DAP3: variants seen among roughly 807,000 people sequenced by gnomAD.
DAP3 encodes the protein small ribosomal subunit protein mS29.
A neutral mutation model predicts 51.9 loss-of-function variants in DAP3; 28 were observed. The ratio of observed to expected loss-of-function variants is 0.54; its 90% CI spans 0.40 to 0.74. The LOEUF is 0.74. Ranked by LOEUF, DAP3 falls within the 30% of genes least tolerant of loss-of-function variation. DAP3 has a pLI of 0.00. For missense variants in DAP3, 458 were observed against 483.5 expected, an observed-to-expected ratio of 0.95 and a Z score of 0.49; for synonymous variants, 170 against 170.3, an observed-to-expected ratio of 1.00 and a Z score of 0.01.
intron 1 of DAP3, among the ~76,000 whole-genome samples, chr1:155,695,353 C>T (rs1026422578): frequency 1.3e-5 from 2 of 152,178 alleles, no homozygotes; most frequent in South Asian, 2.1e-4. Flanking sequence ...TTCCTTGATA[C>T]GGTAGTTGCA....
chr1:155,714,673 T>C (rs889072026), intron 2 of DAP3, among the ~76,000 whole-genome samples: 5 of 152,166 alleles, frequency 3.3e-5, no homozygotes, highest in South Asian at 2.1e-4. Context: ...GGAGAACCAC[T>C]TGAACCTGGG....
chr1:155,692,930 A>G (rs1654034367), intron 1 of DAP3, among the ~76,000 whole-genome samples: 1 of 142,072 alleles, frequency 7.0e-6, no homozygotes. Flanking sequence ...TTATTTACAT[A>G]TTCTGCAGTT....
intron 1 of DAP3, among the ~76,000 whole-genome samples, chr1:155,695,349 G>C (rs1654373360): frequency 6.6e-6 from 1 of 152,200 alleles, no homozygotes; most frequent in Non-Finnish European, 1.5e-5. Context: ...CCAGTTCCTT[G>C]ATACGGTAGT....
At chr1:155,688,387 T>TA (rs758674930), upstream of DAP3, 72 of 1,543,148 alleles carry the variant, frequency 4.7e-5, no homozygotes, top group Non-Finnish European at 3.5e-6. Context: ...TAAGGGCGCC[T>TA]AGCGACACCC....
rs1659871461 is a variant in DAP3, at chr1:155,736,988, T to C, written c.1036T>C (p.Ser346Pro). 4.3e-6 allele frequency: 7 copies of C among 1,614,200 alleles called. No individual in the cohort carries two copies. The highest frequency in any genetic ancestry group is 5.9e-6 in the Non-Finnish European group (7 of 1,180,030). Residue 346 changes from serine (S) to proline (P), a missense_variant, in exon 12 of 13, where the codon TCC becomes CCC. Coordinates refer to ENST00000368336, the MANE Select transcript of DAP3 (RefSeq NM_004632.4). ...ALDPFIPILVSNYNPKEFESC... is the reference protein window; with the variant it reads ...ALDPFIPILVPNYNPKEFESC... ...GGATCCCTTTATTCCCATCCTGGTT[T>C]CCAACTATAACCCAAAGGAATTTGA...
chr1:155,730,791 G>C (rs191164476), intron 9 of DAP3, among the ~76,000 whole-genome samples: 122 of 152,084 alleles, frequency 8.0e-4, no homozygotes, highest in Admixed American at 1.4e-3. Flanking sequence ...TTTTCAAAAT[G>C]AGTCTAGATG....
At chr1:155,735,347 G>A (rs1659658894) in intron 11 of DAP3, among the ~76,000 whole-genome samples, 1 of 152,018 alleles carries the variant, frequency 6.6e-6, no homozygotes, top group South Asian at 2.1e-4. Context: ...AGGCCAGGGC[G>A]GGCGGATCAC....
intron 1 of DAP3, among the ~76,000 whole-genome samples, chr1:155,709,326 T>C (rs981857429): frequency 1.3e-5 from 2 of 152,134 alleles, no homozygotes; most frequent in Non-Finnish European, 2.9e-5. Context: ...TTATATTTTT[T>C]GTAAAGACAG....
rs531067117 is a variant in DAP3 at position 155,728,853 on chromosome 1, C to T, written c.604-189C>T. On this transcript the variant is annotated intron_variant, in intron 7 of 12. Coordinates refer to ENST00000368336, the MANE Select transcript of DAP3 (RefSeq NM_004632.4). ...TCAGCCTGGGTTACAGAGAAAGAAG[C>T]TGTCTCAAAAAAAAAAAAAAAGAAA... Among the ~76,000 whole-genome samples, 13 of 127,860 alleles carry T rather than the reference C, an allele frequency of 1.0e-4. No homozygotes were observed. In the East Asian group the frequency reaches 2.7e-3, roughly 26 times the overall value. The allele number at this position is 127,860 out of a possible 152,430, so 83.9% of individuals were successfully genotyped here.
chr1:155,731,473 T>C (rs1659241247), intron 10 of DAP3, 58 bp downstream of exon 10: 12 of 1,538,544 alleles, frequency 7.8e-6, no homozygotes, highest in South Asian at 2.2e-5. Context: ...ATTTTAAACA[T>C]GTTCTACTAT....
intron 4 of DAP3, 23 bp downstream of exon 4, chr1:155,721,641 T>C (rs1375189785): frequency 5.6e-6 from 9 of 1,611,884 alleles, no homozygotes; most frequent in Non-Finnish European, 7.6e-6. Flanking sequence ...GGGAATGGAA[T>C]TGGAGGGAGC....
At chr1:155,688,913 G>C (rs371563232), upstream of DAP3, 9 of 1,613,228 alleles carry the variant, frequency 5.6e-6, no homozygotes, top group Admixed American at 1.7e-5. Context: ...GGCCGGCCGA[G>C]TCCCATGACA....
At chr1:155,705,486 C>T (rs1182638014) in intron 1 of DAP3, among the ~76,000 whole-genome samples, 1 of 150,640 alleles carries the variant, frequency 6.6e-6, no homozygotes, top group African/African-American at 2.4e-5. Flanking sequence ...ACCTATATTC[C>T]CAGCTACTTG....
Position 155,725,248 on chromosome 1 carries a change from G to C in DAP3, c.271-134G>C, listed in dbSNP as rs1658442593. 10 of 688,246 alleles carry C rather than the reference G, an allele frequency of 1.5e-5. No individual in the cohort carries two copies. The South Asian group carries it at 1.8e-4, about 12-fold the overall frequency. 42.6% of individuals were successfully genotyped at this position (688,246 alleles called of 1,614,324 possible). ...GATTTTCAAACTCAGTACCAACCCA[G>C]CTTCTCCTAACTGAGTAAATTAGAG... On this transcript the variant is annotated intron_variant, in intron 4 of 12. Transcript: ENST00000368336.
intron 3 of DAP3, among the ~76,000 whole-genome samples, chr1:155,717,530 A>G (rs890339765): frequency 1.3e-5 from 2 of 152,336 alleles, no homozygotes; most frequent in East Asian, 1.9e-4. Context: ...AGGCCGATGG[A>G]CTGAGATGAT....
At chr1:155,697,617 A>G (rs958471034) in intron 1 of DAP3, among the ~76,000 whole-genome samples, 2 of 152,154 alleles carry the variant, frequency 1.3e-5, no homozygotes, top group Admixed American at 1.3e-4. Flanking sequence ...CACATGCTTC[A>G]GAGGCAGTAA....
chr1:155,731,723 G>A (rs1367074263), intron 10 of DAP3, among the ~76,000 whole-genome samples: 1 of 152,162 alleles, frequency 6.6e-6, no homozygotes, highest in Non-Finnish European at 1.5e-5. Context: ...TTGGAAAAGA[G>A]TTTGAGACCC....
intron 2 of DAP3, among the ~76,000 whole-genome samples, chr1:155,715,891 A>G (rs1180662873): frequency 6.6e-6 from 1 of 152,154 alleles, no homozygotes; most frequent in Admixed American, 6.6e-5. Flanking sequence ...CTCCCTTATT[A>G]CATGTCTCTA....
chr1:155,737,917 C>T (rs191448197), intron 12 of DAP3, among the ~76,000 whole-genome samples: 12 of 152,308 alleles, frequency 7.9e-5, no homozygotes, highest in Admixed American at 7.8e-4. Flanking sequence ...GTCCAGAAGA[C>T]ACTCTTGGAG....
Sources: allele counts gnomAD v4.1 joint callset (sites outside exome capture counted in the v4.1 genomes callset), GRCh38; gene constraint gnomAD v4.1.1; transcripts MANE v1.5; gene names NCBI Gene and HGNC (gene_info 2026-07-23, HGNC 2026-07-21).